Variants in CA6 observed in about 807,000 individuals in gnomAD.
CA6 encodes the protein carbonic anhydrase 6.
CA6 carries 28 observed loss-of-function variants against 35.9 expected under a neutral mutation model. The ratio of observed to expected loss-of-function variants is 0.78; its 90% CI spans 0.58 to 1.07. CA6 has a LOEUF of 1.07. Ranked by LOEUF, CA6 falls within the 50% of genes least tolerant of loss-of-function variation. The pLI is 0.00. For missense variants in CA6, 377 were observed against 382.0 expected (o/e 0.99, Z 0.11); for synonymous variants, 148 against 152.6 (o/e 0.97, Z 0.22).
In CA6 at chr1:8,946,762, C is replaced by T. The variant is rs375203025; in HGVS notation, c.79+797C>T. 6.7e-5 allele frequency among the ~76,000 whole-genome samples: 10 copies of T among 149,494 alleles called. No individual in the cohort carries two copies. In the East Asian group the frequency reaches 1.8e-3, roughly 26 times the overall value. On this transcript the variant is annotated intron_variant, in intron 1 of 7. Transcript: ENST00000377443. ...CATCTTGACATAAGGACCCAGTTCCCTTTGATCTGTGGGCTGCCAAAATGA... is the reference window on the plus strand; with the variant it reads ...CATCTTGACATAAGGACCCAGTTCCTTTTGATCTGTGGGCTGCCAAAATGA...
intron 7 of CA6, among the ~76,000 whole-genome samples, chr1:8,973,784 C>CTTTCTTTTTCTTTCTTCTTTCTTTCT (rs375258281): frequency 1.2e-4 from 6 of 52,052 alleles, no homozygotes; most frequent in African/African-American, 4.4e-4. Context: ...TTCTTTCTTT[C>CTTTCTTTTTCTTTCTTCTTTCTTTCT]TTTTCCCTCC....
In CA6 at chr1:8,948,969, CA is replaced by C. The variant is rs35309398; in HGVS notation, c.80-278del. Among the ~76,000 whole-genome samples the C allele has an allele frequency of 9.9e-4, 140 of 141,064 alleles. 1 individual carries two copies. Among genetic ancestry groups the C allele is most frequent in the Admixed American group, 1.4e-3 (19 of 13,962 alleles). 92.5% of individuals were successfully genotyped at this position (141,064 alleles called of 152,430 possible). ...TGGGTGACACAGCGAGACCCTGTCT[CA>C]AAAAAAAAAAAAAAAGACTTCCATT... On this transcript the variant is annotated intron_variant, in intron 1 of 7. Coordinates refer to ENST00000377443, the MANE Select transcript of CA6 (RefSeq NM_001215.4).
At chr1:8,960,783 C>CATATAT (rs1204900961) in intron 4 of CA6, among the ~76,000 whole-genome samples, 1 of 101,398 alleles carries the variant, frequency 9.9e-6, no homozygotes, top group African/African-American at 4.1e-5. Flanking sequence ...CACACACACA[C>CATATAT]ACACACATAT....
intron 1 of CA6, among the ~76,000 whole-genome samples, chr1:8,946,460 C>G (rs1462347085): frequency 6.6e-6 from 1 of 152,130 alleles, no homozygotes; most frequent in African/African-American, 2.4e-5. Flanking sequence ...ATAAGCTGAA[C>G]TTAAACTTCA....
intron 1 of CA6, among the ~76,000 whole-genome samples, chr1:8,947,911 C>T (rs1030431930): frequency 6.7e-6 from 1 of 150,106 alleles, no homozygotes; most frequent in Non-Finnish European, 1.5e-5. Flanking sequence ...GTGGCGCGAT[C>T]TCGGCTCACC....
At chr1:8,971,514 T>C (rs1640110432) in intron 7 of CA6, among the ~76,000 whole-genome samples, 1 of 151,986 alleles carries the variant, frequency 6.6e-6, no homozygotes, top group Admixed American at 6.6e-5. Context: ...CTTTGCCATA[T>C]TGGCCAGGCT....
At chr1:8,946,813 T>G (rs1020932384) in intron 1 of CA6, among the ~76,000 whole-genome samples, 3 of 149,038 alleles carry the variant, frequency 2.0e-5, no homozygotes, top group African/African-American at 5.0e-5. Flanking sequence ...TTGTTTTTTT[T>G]TTTTTTTTGA....
At chr1:8,966,545 T>C (rs191569923) in intron 5 of CA6, among the ~76,000 whole-genome samples, 21 of 152,218 alleles carry the variant, frequency 1.4e-4, no homozygotes, top group Admixed American at 1.4e-3. Flanking sequence ...TTGGAGGTTA[T>C]ATCTTGAAAT....
At chr1:8,959,457 GGCACCTGCCACCACGT>G (rs201615813) in intron 4 of CA6, among the ~76,000 whole-genome samples, 3,970 of 151,986 alleles carry the variant, frequency 0.026, 177 homozygotes, top group African/African-American at 0.091. Flanking sequence ...TGGGATTACA[GGCACCTGCCACCACGT>G]CTGGCTAATT....
At chr1:8,951,968 T>A (rs780859523) in intron 2 of CA6, 3 of 166,130 alleles carry the variant, frequency 1.8e-5, no homozygotes, top group Non-Finnish European at 3.8e-5. Context: ...TACAGGCATG[T>A]GCCACCACGC....
chr1:8,956,949 C>A (rs79894174), intron 2 of CA6, among the ~76,000 whole-genome samples, 188 bp from the exon 3 acceptor site: 2 of 152,316 alleles, frequency 1.3e-5, no homozygotes, highest in South Asian at 4.1e-4. Flanking sequence ...CCTGACCTCA[C>A]CCTGTGCCCT....
chr1:8,971,063 G>T, intron 7 of CA6, 82 bp downstream of exon 7: 1 of 922,904 alleles, frequency 1.1e-6, no homozygotes. Context: ...ATCTCTTCTG[G>T]TGATATAAGG....
chr1:8,957,780 GTC>G (rs1639728985), intron 3 of CA6, among the ~76,000 whole-genome samples: 1 of 124,354 alleles, frequency 8.0e-6, no homozygotes. Flanking sequence ...GAGATCTTGT[GTC>G]TACAAAAAAA....
At chr1:8,967,967 T>A in intron 6 of CA6, 151 bp downstream of exon 6, 3 of 505,842 alleles carry the variant, frequency 5.9e-6, no homozygotes, top group Non-Finnish European at 6.7e-6. Flanking sequence ...GCCAACCTTT[T>A]TTTTTTTTTT....
At chr1:8,954,911 A>G (rs1639633322) in intron 2 of CA6, among the ~76,000 whole-genome samples, 1 of 152,322 alleles carries the variant, frequency 6.6e-6, no homozygotes, top group East Asian at 1.9e-4. Flanking sequence ...TAGATTCAAC[A>G]TTTCAATAAA....
intron 2 of CA6, among the ~76,000 whole-genome samples, 190 bp downstream of exon 2, chr1:8,949,632 G>A (rs1639471695): frequency 6.6e-6 from 1 of 152,082 alleles, no homozygotes; most frequent in Non-Finnish European, 1.5e-5. Context: ...TCCAGAGAGG[G>A]CAGCATCCAT....
intron 6 of CA6, among the ~76,000 whole-genome samples, 153 bp from the exon 7 acceptor site, chr1:8,970,714 T>C (rs1414885367): frequency 1.3e-5 from 2 of 152,154 alleles, no homozygotes; most frequent in African/African-American, 4.8e-5. Flanking sequence ...TTGGCCAGGC[T>C]GGTCTCCAAC....
At chr1:8,967,963 C>CTT (rs34107058) in intron 6 of CA6, 147 bp downstream of exon 6, 49,151 of 292,720 alleles carry the variant, frequency 0.17, 5,214 homozygotes, top group East Asian at 0.3. Flanking sequence ...TCTAGCCAAC[C>CTT]TTTTTTTTTT....
chr1:8,973,769 TTTCTTTCTTTCTTTC>T (rs774305677), intron 7 of CA6, among the ~76,000 whole-genome samples: 8,488 of 35,442 alleles, frequency 0.24, 596 homozygotes, highest in East Asian at 0.53. Flanking sequence ...TCTTTCTTTC[TTTCTTTCTTTCTTTC>T]TTTTCCCTCC....
Sources: gnomAD v4.1 joint callset for allele counts (sites outside exome capture counted in the v4.1 genomes callset) on GRCh38, gnomAD v4.1.1 for gene constraint, MANE v1.5 for transcripts, NCBI Gene and HGNC (gene_info 2026-07-23, HGNC 2026-07-21) for gene names.